Variants in GABRG3 observed in about 807,000 individuals in gnomAD.
GABRG3 encodes gamma-aminobutyric acid receptor subunit gamma-3.
Under a neutral mutation model 48.8 loss-of-function variants are expected in GABRG3, and 25 were observed. That is an observed-to-expected ratio of 0.51 (90% CI 0.37 to 0.72). The LOEUF is 0.72. Ranked by LOEUF, GABRG3 falls within the 30% of genes least tolerant of loss-of-function variation. The pLI is 0.00. For missense variants in GABRG3, 394 were observed against 577.9 expected, an observed-to-expected ratio of 0.68 and a Z score of 3.26; for synonymous variants, 227 against 217.6, an observed-to-expected ratio of 1.04 and a Z score of -0.38.
intron 3 of GABRG3, among the ~76,000 whole-genome samples, chr15:27,030,682 A>T (rs1896067224): frequency 9.5e-6 from 1 of 105,328 alleles, no homozygotes; most frequent in African/African-American, 3.7e-5. Flanking sequence ...CAAAGAAGAA[A>T]ACCAATGTTC....
chr15:27,365,203 G>A (rs994959462), intron 5 of GABRG3: 9 of 144,440 alleles, frequency 6.2e-5, no homozygotes, highest in Admixed American at 5.6e-4. Flanking sequence ...ACAATAATCA[G>A]GGAAATATAC....
chr15:27,209,178 C>A (rs929160798), intron 3 of GABRG3, among the ~76,000 whole-genome samples: 45 of 152,144 alleles, frequency 3.0e-4, no homozygotes, highest in African/African-American at 1.1e-3. Flanking sequence ...TCACAGCACC[C>A]ACTTGCTGTC....
At chr15:27,455,375 T>TGA (rs1027384004) in intron 5 of GABRG3, among the ~76,000 whole-genome samples, 3 of 22,706 alleles carry the variant, frequency 1.3e-4, no homozygotes, top group East Asian at 0.019. Context: ...GGGTGGTTCG[T>TGA]GTATGGGGTG....
chr15:27,456,435 C>G (rs983935692), intron 5 of GABRG3, among the ~76,000 whole-genome samples: 1 of 152,160 alleles, frequency 6.6e-6, no homozygotes, highest in African/African-American at 2.4e-5. Context: ...TCCTTAGTGG[C>G]GCTGTGCTTT....
At chr15:27,027,056 G>A (rs1400473842) in intron 3 of GABRG3, 2 of 405,714 alleles carry the variant, frequency 4.9e-6, no homozygotes, top group Non-Finnish European at 8.8e-6. Flanking sequence ...CAAGAGACCT[G>A]TCTTTTATAG....
chr15:27,106,704 G>T (rs1375929734), intron 3 of GABRG3, among the ~76,000 whole-genome samples: 3 of 151,864 alleles, frequency 2.0e-5, no homozygotes, highest in African/African-American at 7.2e-5. Flanking sequence ...AAGGAGAGAT[G>T]ATGCAAATCA....
intron 3 of GABRG3, among the ~76,000 whole-genome samples, chr15:27,283,670 C>A (rs564955457): frequency 6.6e-6 from 1 of 152,128 alleles, no homozygotes; most frequent in Non-Finnish European, 1.5e-5. Flanking sequence ...GATCAGTCTT[C>A]GCTCAGGGAC....
chr15:27,077,646 T>C (rs1446210306), intron 3 of GABRG3, among the ~76,000 whole-genome samples: 1 of 152,124 alleles, frequency 6.6e-6, no homozygotes, highest in Non-Finnish European at 1.5e-5. Context: ...ATTTCCAGAA[T>C]GTTTTGAGAA....
chr15:27,083,660 C>T (rs1048262160), intron 3 of GABRG3, among the ~76,000 whole-genome samples: 1 of 152,098 alleles, frequency 6.6e-6, no homozygotes, highest in Admixed American at 6.5e-5. Flanking sequence ...CCATGACTTC[C>T]AAGTGCCTGC....
intron 3 of GABRG3, among the ~76,000 whole-genome samples, chr15:27,261,842 C>T (rs1360946599): frequency 6.6e-6 from 1 of 152,168 alleles, no homozygotes; most frequent in Non-Finnish European, 1.5e-5. Context: ...TGCCTCCACT[C>T]TCTATATTTA....
At chr15:27,101,664 G>A (rs1897359492) in intron 3 of GABRG3, among the ~76,000 whole-genome samples, 1 of 151,986 alleles carries the variant, frequency 6.6e-6, no homozygotes, top group South Asian at 2.1e-4. Context: ...AAGTGCAAGA[G>A]CAATTCAATG....
chr15:27,037,352 A>C, intron 3 of GABRG3, among the ~76,000 whole-genome samples: 1 of 152,208 alleles, frequency 6.6e-6, no homozygotes, highest in East Asian at 1.9e-4. Flanking sequence ...GGAGAGAAAC[A>C]CAAAGGGTGG....
rs73373425 is a variant in GABRG3 at position 27,153,439 on chromosome 15, C to T, written c.270+126618C>T. On this transcript the variant is annotated intron_variant, in intron 3 of 9. Transcript: ENST00000615808. ...ATATCTGGTAGAGTGATTCTTCCTG[C>T]ACTCTTCTTTTTCAGCATTGTTTTA... Among the ~76,000 whole-genome samples, 881 of 152,234 alleles carry T rather than the reference C, an allele frequency of 5.8e-3. 9 individuals carry two copies. The highest frequency in any genetic ancestry group is 0.02 in the African/African-American group (829 of 41,538).
chr15:27,091,858 A>T (rs995623162), intron 3 of GABRG3, among the ~76,000 whole-genome samples: 1 of 152,132 alleles, frequency 6.6e-6, no homozygotes, highest in Non-Finnish European at 1.5e-5. Flanking sequence ...GGCAAGCTAA[A>T]ATCCTGCAGT....
At chr15:27,366,508 C>T (rs1895204650) in intron 5 of GABRG3, 2 of 152,186 alleles carry the variant, frequency 1.3e-5, no homozygotes, top group African/African-American at 2.4e-5. Flanking sequence ...TATCCAATCC[C>T]ATGATCTAGC....
intron 3 of GABRG3, among the ~76,000 whole-genome samples, chr15:27,030,482 G>A (rs987472119): frequency 1.3e-5 from 2 of 152,176 alleles, no homozygotes; most frequent in African/African-American, 4.8e-5. Context: ...TTAGAAACGG[G>A]ACCAGGGGAA....
chr15:27,407,078 C>A (rs765392019), intron 5 of GABRG3, among the ~76,000 whole-genome samples: 1 of 151,974 alleles, frequency 6.6e-6, no homozygotes, highest in Non-Finnish European at 1.5e-5. Flanking sequence ...GGGGCACGTG[C>A]GACCACGGCC....
chr15:27,001,645 A>T (rs1895449491), intron 2 of GABRG3, among the ~76,000 whole-genome samples: 1 of 152,164 alleles, frequency 6.6e-6, no homozygotes, highest in South Asian at 2.1e-4. Flanking sequence ...CAGGGCAGGG[A>T]TGTGCAGTTG....
rs150013437 is a variant in GABRG3 at position 27,218,840 on chromosome 15, C to G, written c.271-107969C>G. Among the ~76,000 whole-genome samples, 62 of 152,280 alleles carry G rather than the reference C, an allele frequency of 4.1e-4. No individual in the cohort carries two copies. The East Asian group carries it at 9.1e-3, about 22-fold the overall frequency. ...CACCTTCCAGAGGAGTCTGCCTTTC[C>G]TCACCCCACAGTATGATAAAGGCTC... On this transcript the variant is annotated intron_variant, in intron 3 of 9. Coordinates refer to ENST00000615808, the MANE Select transcript of GABRG3 (RefSeq NM_033223.5).
Sources: gnomAD v4.1 joint callset for allele counts (sites outside exome capture counted in the v4.1 genomes callset) on GRCh38, gnomAD v4.1.1 for gene constraint, MANE v1.5 for transcripts, NCBI Gene and HGNC (gene_info 2026-07-23, HGNC 2026-07-21) for gene names.